The following KCNQ4 variants were observed in gnomAD, a reference collection of about 807,000 sequenced individuals.
The protein encoded by KCNQ4 is potassium voltage-gated channel subfamily KQT member 4.
In KCNQ4, 31 loss-of-function variants were observed where a neutral mutation model predicts 72.6. That is an observed-to-expected ratio of 0.43 (90% CI 0.32 to 0.58). The LOEUF is 0.58. Among genes scored for constraint, KCNQ4 ranks in the 20% least tolerant of loss-of-function variants. The pLI, the probability that KCNQ4 is intolerant of heterozygous loss-of-function variation, is 0.08. For synonymous variants in KCNQ4, 405 were observed against 403.7 expected, an observed-to-expected ratio of 1.00 and a Z score of -0.04; for missense variants, 869 against 962.6, an observed-to-expected ratio of 0.90 and a Z score of 1.29.
chr1:40,838,269 T>C, intron 13 of KCNQ4, 42 bp from the exon 14 acceptor site: 1 of 1,565,534 alleles, frequency 6.4e-7, no homozygotes, highest in Admixed American at 1.7e-5. Flanking sequence ...CCGCGTCCCC[T>C]CCGGTCCCAG....
rs151164762 is a variant in KCNQ4 at position 40,831,434 on chromosome 1, TG to T, written c.1513+132del. ...GAACTGATGGACCGTCTTTGGGCTC[TG>T]GTCTTCTCATCTGTAAAATGGGCAT... On this transcript the variant is annotated intron_variant, in intron 10 of 13. Transcript: ENST00000347132. 5.8e-4 allele frequency: 421 copies of T among 726,222 alleles called. 3 individuals carry two copies. In the African/African-American group the frequency reaches 6.8e-3, roughly 12 times the overall value. The allele number at this position is 726,222 out of a possible 1,614,324, so 45.0% of individuals were successfully genotyped here.
In KCNQ4 at chr1:40,820,149, T is replaced by C. The variant is rs773389299; in HGVS notation, c.946-16T>C. On this transcript the variant is annotated splice_polypyrimidine_tract_variant and intron_variant, in intron 6 of 13. Transcript: ENST00000347132. ...CACTGCCAGCACATTCCCCCAACCA[T>C]GCCCTATCCCTCTAGGGCATCCTAG... 1 of 1,599,376 alleles carries C rather than the reference T, an allele frequency of 6.3e-7. No individual in the cohort carries two copies. The highest frequency in any genetic ancestry group is 1.7e-5 in the Admixed American group (1 of 58,130).
chr1:40,818,500 T>C lies in KCNQ4; in HGVS notation c.533-5T>C, dbSNP rs779510758. The stretch of plus-strand genomic sequence containing the variant: ...GCTGTGATCTCGCCGCCCCCGCCCC[T>C]GCAGACTTCATCGTGTTCGTGGCCT... On this transcript the variant is annotated splice_polypyrimidine_tract_variant and splice_region_variant and intron_variant, in intron 3 of 13. Coordinates refer to ENST00000347132, the MANE Select transcript of KCNQ4 (RefSeq NM_004700.4). 2 of 1,580,510 alleles carry C rather than the reference T, an allele frequency of 1.3e-6. No individual in the cohort carries two copies. Among genetic ancestry groups the C allele is most frequent in the South Asian group, 2.2e-5 (2 of 90,634 alleles).
At chr1:40,811,279 G>T (rs1171961701) in intron 1 of KCNQ4, among the ~76,000 whole-genome samples, 1 of 152,170 alleles carries the variant, frequency 6.6e-6, no homozygotes, top group Non-Finnish European at 1.5e-5. Context: ...GCCGCTTCTG[G>T]ACAGTGACTT....
rs754687083 is a variant in KCNQ4, at chr1:40,818,627, C to T, written c.655C>T (p.Arg219Cys). 5 of 1,606,778 alleles carry T rather than the reference C, an allele frequency of 3.1e-6. No individual in the cohort carries two copies. Among genetic ancestry groups the T allele is most frequent in the Non-Finnish European group, 4.2e-6 (5 of 1,179,486 alleles). Residue 219 changes from arginine to cysteine, a missense_variant, in exon 4 of 14, where the codon CGC becomes TGC. By Grantham distance (180) the Arg-to-Cys change is radical. Transcript: ENST00000347132. ...GATCCTGCGCATGGTGCGCATGGAC[C>T]GCCGCGGCGGCACCTGGAAGCTGCT... ...LQILRMVRMD[R>C]RGGTWKLLGS...
intron 1 of KCNQ4, among the ~76,000 whole-genome samples, chr1:40,800,976 G>A (rs1265511379): frequency 6.6e-6 from 1 of 152,190 alleles, no homozygotes; most frequent in Non-Finnish European, 1.5e-5. Flanking sequence ...GAGAAGTCGA[G>A]TGTCGCTGGT....
In KCNQ4 at chr1:40,838,141, A is replaced by C. The variant is rs1161970753; in HGVS notation, c.1876-170A>C. Among the ~76,000 whole-genome samples the C allele has an allele frequency of 2.0e-5, 3 of 151,772 alleles. No homozygotes were observed. In the East Asian group the frequency reaches 5.8e-4, roughly 29 times the overall value. On this transcript the variant is annotated intron_variant, in intron 13 of 13. Coordinates refer to ENST00000347132, the MANE Select transcript of KCNQ4 (RefSeq NM_004700.4). ...CCCCCCGGGTTATGCACCAGTGCCC[A>C]GCTTCGCCCCTCGCTCTAGCCAAGC...
chr1:40,784,445 C>T lies in KCNQ4; in HGVS notation c.314+38C>T, dbSNP rs79364948. 1,772 of 1,593,984 alleles carry T rather than the reference C, an allele frequency of 1.1e-3. 17 individuals carry two copies. The African/African-American group carries it at 0.018, about 16-fold the overall frequency. ...CCCCGCGCCCTTCCGCGTTTCCCCG[C>T]GCAAGCCTGGCCTCCCGGGGCACGG... On this transcript the variant is annotated intron_variant, in intron 1 of 13. Transcript: ENST00000347132. The surrounding 1 kb of genome is among the most constrained non-coding windows in gnomAD (Gnocchi z 4.1).
intron 1 of KCNQ4, among the ~76,000 whole-genome samples, chr1:40,787,275 G>A (rs1294863040): frequency 6.6e-6 from 1 of 152,162 alleles, no homozygotes; most frequent in Non-Finnish European, 1.5e-5. Flanking sequence ...AGGCTGAGGT[G>A]GGAGGATCAC....
At chr1:40,799,892 C>A (rs1268552510) in intron 1 of KCNQ4, among the ~76,000 whole-genome samples, 2 of 152,202 alleles carry the variant, frequency 1.3e-5, no homozygotes, top group African/African-American at 4.8e-5. Flanking sequence ...CTTTGAATGA[C>A]ACCTGATACA....
chr1:40,790,462 G>T (rs1248253816), intron 1 of KCNQ4, among the ~76,000 whole-genome samples: 1 of 152,162 alleles, frequency 6.6e-6, no homozygotes, highest in African/African-American at 2.4e-5. Context: ...GTGTCCTGGG[G>T]CGAGTGGTTC....
chr1:40,806,866 G>T (rs1354571570), intron 1 of KCNQ4, among the ~76,000 whole-genome samples: 1 of 152,150 alleles, frequency 6.6e-6, no homozygotes, highest in African/African-American at 2.4e-5. Context: ...CAATCCGATT[G>T]GCTCAGCCCA....
chr1:40,797,867 G>A (rs764901552), intron 1 of KCNQ4, among the ~76,000 whole-genome samples: 1 of 152,118 alleles, frequency 6.6e-6, no homozygotes, highest in East Asian at 1.9e-4. Context: ...GCTGGGAGCT[G>A]GTGGTGTGTG....
In KCNQ4 at chr1:40,794,317, A is replaced by G. The variant is rs971853851; in HGVS notation, c.314+9910A>G. Among the ~76,000 whole-genome samples the G allele has an allele frequency of 6.6e-6, 1 of 152,208 alleles. No homozygotes were observed. The highest frequency in any genetic ancestry group is 1.5e-5 in the Non-Finnish European group (1 of 68,040). ...CACGGTGACAGGCCAGGGTGGGGAC[A>G]CTGGATGGGAACCAGGGTTTGACTC... On this transcript the variant is annotated intron_variant, in intron 1 of 13. Coordinates refer to ENST00000347132, the MANE Select transcript of KCNQ4 (RefSeq NM_004700.4). The surrounding 1 kb of genome is among the most constrained non-coding windows in gnomAD (Gnocchi z 4.2).
At chr1:40,809,394 A>C (rs1394305932) in intron 1 of KCNQ4, among the ~76,000 whole-genome samples, 1 of 152,160 alleles carries the variant, frequency 6.6e-6, no homozygotes, top group East Asian at 1.9e-4. Context: ...GTGTTTGCCC[A>C]GTGCCCATAG....
intron 9 of KCNQ4, among the ~76,000 whole-genome samples, chr1:40,829,643 C>T (rs971117289): frequency 6.6e-6 from 1 of 152,162 alleles, no homozygotes; most frequent in African/African-American, 2.4e-5. Flanking sequence ...CTCTGCTCAA[C>T]CCTTGATCTG....
intron 9 of KCNQ4, among the ~76,000 whole-genome samples, chr1:40,830,293 A>T (rs1648599027): frequency 6.6e-6 from 1 of 152,152 alleles, no homozygotes. Context: ...TGGGCCCAGC[A>T]GCTAGAACCA....
Position 40,783,941 on chromosome 1 carries a change from G to A in KCNQ4, c.-153G>A, listed in dbSNP as rs1416140977. The A allele has an allele frequency of 6.8e-6, 1 of 146,776 alleles. No individual in the cohort carries two copies. The highest frequency in any genetic ancestry group is 6.8e-5 in the Admixed American group (1 of 14,784). 9.1% of individuals were successfully genotyped at this position (146,776 alleles called of 1,614,324 possible). On this transcript the variant is annotated 5_prime_UTR_variant, in exon 1 of 14. Coordinates refer to ENST00000347132, the MANE Select transcript of KCNQ4 (RefSeq NM_004700.4). This position sits in a 1 kb window ranked among gnomAD's most constrained non-coding sequence, Gnocchi z 4.4. The stretch of plus-strand genomic sequence containing the variant: ...GCCCCCAGGCTCCGAGCGCCCGCCC[G>A]CGGCCCCGGCCCGGCCCCTAGCCCC...
rs1244331168 is a variant in KCNQ4 at position 40,833,001 on chromosome 1, C to T, written c.1514-13C>T. 1.2e-6 allele frequency: 2 copies of T among 1,609,428 alleles called. No homozygotes were observed. The highest frequency in any genetic ancestry group is 1.7e-6 in the Non-Finnish European group (2 of 1,176,358). The stretch of plus-strand genomic sequence containing the variant: ...CCTTTGGTGGGCCACTTGCCCCATA[C>T]CTGCCTTTTCAGATGCCCCCTCAGA... On this transcript the variant is annotated splice_polypyrimidine_tract_variant and intron_variant, in intron 10 of 13. Coordinates refer to ENST00000347132, the MANE Select transcript of KCNQ4 (RefSeq NM_004700.4).
Sources: allele counts gnomAD v4.1 joint callset (sites outside exome capture counted in the v4.1 genomes callset), GRCh38; gene constraint gnomAD v4.1.1; non-coding constraint Gnocchi (gnomAD v3.1); transcripts MANE v1.5; gene names NCBI Gene and HGNC (gene_info 2026-07-23, HGNC 2026-07-21).